The following NFU1 variants were observed in gnomAD, a reference collection of about 807,000 sequenced individuals.
The protein encoded by NFU1 is NFU1 iron-sulfur cluster scaffold.
A neutral mutation model predicts 32.2 loss-of-function variants in NFU1; 30 were observed. The observed-to-expected ratio is 0.93, with a 90% CI of 0.70 to 1.26. The LOEUF is 1.26. Among genes scored for constraint, NFU1 ranks in the 50% most tolerant of loss-of-function variants. The probability of loss-of-function intolerance (pLI) is 0.00; values close to 1 mark genes in which losing one functional copy is unlikely to be tolerated. For synonymous variants in NFU1, 112 were observed against 104.6 expected, an observed-to-expected ratio of 1.07 and a Z score of -0.43; for missense variants, 306 against 306.6, an observed-to-expected ratio of 1.00 and a Z score of 0.02.
intron 5 of NFU1, among the ~76,000 whole-genome samples, chr2:69,413,115 T>G (rs554887613): frequency 6.6e-6 from 1 of 150,804 alleles, no homozygotes; most frequent in African/African-American, 2.4e-5. Context: ...TGAAACCCCG[T>G]CTCTACTAAA....
At chr2:69,436,419 G>A (rs1018987625) in intron 1 of NFU1, among the ~76,000 whole-genome samples, 1 of 152,130 alleles carries the variant, frequency 6.6e-6, no homozygotes, top group African/African-American at 2.4e-5. Flanking sequence ...ATTTGGAAAT[G>A]CACTAGAAGA....
chr2:69,438,683 G>A (rs1297444174), upstream of NFU1, among the ~76,000 whole-genome samples: 1 of 152,126 alleles, frequency 6.6e-6, no homozygotes, highest in Non-Finnish European at 1.5e-5. Context: ...AACAGGTTGA[G>A]GCCACACCCA....
rs1255132213 is a variant in NFU1 at position 69,423,239 on chromosome 2, T to TGTGA, written c.302+339_302+342dup. 6.8e-4 allele frequency among the ~76,000 whole-genome samples: 28 copies of TGTGA among 40,902 alleles called. No individual in the cohort carries two copies. The South Asian group carries it at 8.2e-3, about 12-fold the overall frequency. The allele number at this position is 40,902 out of a possible 152,430, so 26.8% of individuals were successfully genotyped here. A position where few individuals can be genotyped will look rare whatever the true frequency, so the allele number is the denominator to read the frequency against. Reference sequence around the variant, plus strand: ...GGGGCGGGTAGAGATGGGCTCTCTGTGTGAGTGTGTGTGTGTGTGTGTGTG... The same window carrying TGTGA: ...GGGGCGGGTAGAGATGGGCTCTCTGTGTGAGTGAGTGTGTGTGTGTGTGTGTGTG... On this transcript the variant is annotated intron_variant, in intron 3 of 7. Coordinates refer to ENST00000410022, the MANE Select transcript of NFU1 (RefSeq NM_001002755.4).
chr2:69,428,753 G>C (rs1673546157), intron 2 of NFU1, among the ~76,000 whole-genome samples: 1 of 152,150 alleles, frequency 6.6e-6, no homozygotes, highest in Admixed American at 6.5e-5. Flanking sequence ...TTTTAGGAGA[G>C]AGAATAGAAT....
At chr2:69,399,286 C>G (rs1672435488) in intron 7 of NFU1, 1 of 409,868 alleles carries the variant, frequency 2.4e-6, no homozygotes, top group Non-Finnish European at 4.8e-6. Flanking sequence ...CATCCCTTCA[C>G]TCCTTGATAA....
At chr2:69,402,874 C>T (rs138086571) in intron 6 of NFU1, among the ~76,000 whole-genome samples, 152 of 151,898 alleles carry the variant, frequency 1.0e-3, no homozygotes, top group African/African-American at 3.3e-3. Flanking sequence ...TAAGCCACCG[C>T]GCCCGGTCTT....
intron 1 of NFU1, among the ~76,000 whole-genome samples, chr2:69,435,742 G>A (rs1673808398): frequency 6.6e-6 from 1 of 152,086 alleles, no homozygotes; most frequent in Middle Eastern, 3.2e-3. Context: ...AGTAAGAGCT[G>A]TCACCACTTT....
At chr2:69,435,886 G>A (rs544734537) in intron 1 of NFU1, among the ~76,000 whole-genome samples, 111 of 151,616 alleles carry the variant, frequency 7.3e-4, no homozygotes, top group Non-Finnish European at 1.4e-3. Flanking sequence ...CCAACTCGCT[G>A]GGATTACAGG....
intron 3 of NFU1, among the ~76,000 whole-genome samples, chr2:69,420,561 G>A (rs1487593484): frequency 2.0e-5 from 3 of 152,090 alleles, no homozygotes; most frequent in African/African-American, 4.8e-5. Flanking sequence ...GTTGTTCTGT[G>A]GTTTTTGCTT....
rs183775198 is a variant in NFU1, at chr2:69,426,173, T to C, written c.167-2456A>G. The stretch of plus-strand genomic sequence containing the variant: ...TTTTTGTAGAGAAGGGGTTTCATCA[T>C]GTTGGCCAGGCTGGTCTTGAACTCC... On this transcript the variant is annotated intron_variant, in intron 2 of 7. Transcript: ENST00000410022. 3.5e-3 allele frequency among the ~76,000 whole-genome samples: 534 copies of C among 152,302 alleles called. 3 individuals are homozygous for C. The highest frequency in any genetic ancestry group is 0.012 in the African/African-American group (515 of 41,580).
chr2:69,426,658 G>A (rs2104801781), intron 2 of NFU1, among the ~76,000 whole-genome samples: 1 of 152,274 alleles, frequency 6.6e-6, no homozygotes, highest in African/African-American at 2.4e-5. Flanking sequence ...GCAATAAAGA[G>A]ATAACACAAT....
At chr2:69,404,018 T>G (rs1672611845) in intron 6 of NFU1, among the ~76,000 whole-genome samples, 1 of 150,948 alleles carries the variant, frequency 6.6e-6, no homozygotes, top group Admixed American at 6.6e-5. Flanking sequence ...TTTTGTATTT[T>G]TAATAGAGAC....
rs374195783 is a variant in NFU1 at position 69,404,596 on chromosome 2, A to G, written c.545+1426T>C. On this transcript the variant is annotated intron_variant, in intron 6 of 7. Coordinates refer to ENST00000410022, the MANE Select transcript of NFU1 (RefSeq NM_001002755.4). ...TTATTTTTTGTGTCAAGAACACTTA[A>G]TAACTACTATCTTAGCAAATTTTTT... is the stretch of plus-strand genomic sequence containing the variant. Among the ~76,000 whole-genome samples the G allele has an allele frequency of 1.6e-4, 22 of 138,784 alleles. 1 individual carries two copies. The highest frequency in any genetic ancestry group is 8.3e-4 in the East Asian group (4 of 4,842). The allele number at this position is 138,784 out of a possible 152,430, so 91.0% of individuals were successfully genotyped here. A position where few individuals can be genotyped will look rare whatever the true frequency, so the allele number is the denominator to read the frequency against.
Position 69,406,031 on chromosome 2 carries a change from G to A in NFU1, c.536C>T (p.Thr179Ile), listed in dbSNP as rs199986005. ...AGAGAGGAGCACGTACCGTATTCTA[G>A]TATCTAACAATTCCTTAATCATTGC... ...VVAMIKELLDTRIRPTVQEDG... is the reference protein window; with the variant it reads ...VVAMIKELLDIRIRPTVQEDG... Residue 179 changes from threonine to isoleucine, a missense_variant, in exon 6 of 8, where the codon ACT (threonine) becomes ATT (isoleucine). Transcript: ENST00000410022. The A allele has an allele frequency of 5.0e-6, 8 of 1,596,020 alleles. No individual in the cohort carries two copies. The highest frequency in any genetic ancestry group is 6.9e-6 in the Non-Finnish European group (8 of 1,164,700).
intron 5 of NFU1, among the ~76,000 whole-genome samples, chr2:69,414,455 T>C (rs1672986181): frequency 6.6e-6 from 1 of 151,628 alleles, no homozygotes; most frequent in Non-Finnish European, 1.5e-5. Context: ...CCATCTCTAC[T>C]AAAAATACAA....
intron 4 of NFU1, among the ~76,000 whole-genome samples, chr2:69,416,522 T>C (rs1673060768): frequency 6.6e-6 from 1 of 151,774 alleles, no homozygotes; most frequent in Admixed American, 6.6e-5. Flanking sequence ...AAAAAAAACA[T>C]AGGATGTAAT....
rs182597821 is a variant in NFU1, at chr2:69,429,169, T to G, written c.166+2733A>C. ...CTGCCAACACTTTCTGTAAATAATC[T>G]TCTAACTCTGGCTCTGAACCAATCA... is the stretch of plus-strand genomic sequence containing the variant. On this transcript the variant is annotated intron_variant, in intron 2 of 7. Transcript: ENST00000410022. Among the ~76,000 whole-genome samples, 385 of 152,322 alleles carry G rather than the reference T, an allele frequency of 2.5e-3. 3 individuals are homozygous for G. The highest frequency in any genetic ancestry group is 8.8e-3 in the African/African-American group (364 of 41,584).
At chr2:69,413,569 C>T (rs1324119067) in intron 5 of NFU1, among the ~76,000 whole-genome samples, 2 of 152,066 alleles carry the variant, frequency 1.3e-5, no homozygotes, top group Non-Finnish European at 2.9e-5. Flanking sequence ...GGGATCAGCC[C>T]GGCCAACATG....
intron 1 of NFU1, among the ~76,000 whole-genome samples, chr2:69,434,265 T>G (rs978241553): frequency 6.6e-6 from 1 of 151,920 alleles, no homozygotes; most frequent in African/African-American, 2.4e-5. Context: ...CGCCTCAGCC[T>G]CCCAAGTAGC....
Sources: allele counts gnomAD v4.1 joint callset (sites outside exome capture counted in the v4.1 genomes callset), GRCh38; gene constraint gnomAD v4.1.1; transcripts MANE v1.5; gene names NCBI Gene and HGNC (gene_info 2026-07-23, HGNC 2026-07-21).